DMD: variants seen among roughly 807,000 people sequenced by gnomAD.
DMD encodes the protein dystrophin, also known as mutant dystrophin.
A neutral mutation model predicts 330.1 loss-of-function variants in DMD; 63 were observed. The ratio of observed to expected loss-of-function variants is 0.19; its 90% confidence interval spans 0.16 to 0.24. The LOEUF is 0.24. Among genes scored for constraint, DMD ranks in the 10% least tolerant of loss-of-function variants. DMD has a pLI of 1.00. For synonymous variants in DMD, 1,223 were observed against 959.8 expected (o/e 1.27, Z -5.07); for missense variants, 3,344 against 2,684.1 (o/e 1.25, Z -5.43).
intron 16 of DMD, among the ~76,000 whole-genome samples, chrX:32,562,797 A>G (rs7056028): frequency 0.32 from 35,013 of 110,502 alleles, 4,843 homozygotes; most frequent in Non-Finnish European, 0.45. Flanking sequence ...GTCTCTGTTT[A>G]CCTCCTTTTA....
intron 43 of DMD, among the ~76,000 whole-genome samples, chrX:32,272,873 G>T (rs1390898411): frequency 8.9e-6 from 1 of 111,820 alleles, no homozygotes; most frequent in Admixed American, 9.5e-5. Context: ...TTAGGTCCTT[G>T]TTTTATAGTG....
chrX:32,490,819 G>A (rs1157968782), intron 20 of DMD, among the ~76,000 whole-genome samples: 1 of 111,726 alleles, frequency 9.0e-6, no homozygotes, highest in Admixed American at 9.5e-5. Flanking sequence ...TCAAATTATC[G>A]TAATTTGAGA....
At chrX:31,342,884 C>T (rs1424470588) in intron 61 of DMD, among the ~76,000 whole-genome samples, 2 of 112,038 alleles carry the variant, frequency 1.8e-5, no homozygotes, top group Admixed American at 1.9e-4. Context: ...TCAAGCCATT[C>T]TCCTGCCTCA....
intron 48 of DMD, among the ~76,000 whole-genome samples, chrX:31,874,064 G>A (rs1273249041): frequency 9.0e-6 from 1 of 111,505 alleles, no homozygotes; most frequent in African/African-American, 3.3e-5. Context: ...ATCAACATAT[G>A]AACAATGGGA....
chrX:33,289,989 T>C (rs1453716683), intron 1 of DMD, among the ~76,000 whole-genome samples: 1 of 111,515 alleles, frequency 9.0e-6, no homozygotes, highest in Non-Finnish European at 1.9e-5. Context: ...AAACATAACA[T>C]GACATGAATA....
intron 60 of DMD, among the ~76,000 whole-genome samples, chrX:31,433,294 A>G (rs1425383959): frequency 4.5e-5 from 5 of 111,121 alleles, no homozygotes; most frequent in Non-Finnish European, 9.4e-5. Flanking sequence ...TATCCAATCC[A>G]CCATTGATGG....
At chrX:31,483,451 C>T (rs1408673126) in intron 57 of DMD, among the ~76,000 whole-genome samples, 1 of 112,222 alleles carries the variant, frequency 8.9e-6, no homozygotes, top group Non-Finnish European at 1.9e-5. Context: ...TAAAACTGGA[C>T]AGTAAATAAT....
intron 29 of DMD, among the ~76,000 whole-genome samples, chrX:32,414,063 A>C (rs1483569218): frequency 9.0e-6 from 1 of 111,433 alleles, no homozygotes; most frequent in Non-Finnish European, 1.9e-5. Flanking sequence ...CCTTCATAAT[A>C]TAAGTCCTGC....
At chrX:31,939,518 G>A (rs1023371417) in intron 45 of DMD, among the ~76,000 whole-genome samples, 1 of 111,809 alleles carries the variant, frequency 8.9e-6, no homozygotes, top group African/African-American at 3.2e-5. Flanking sequence ...AGCTGAGTAC[G>A]TGAACACGGG....
chrX:31,293,530 T>C (rs1204359736), intron 62 of DMD, among the ~76,000 whole-genome samples: 2 of 111,353 alleles, frequency 1.8e-5, no homozygotes, highest in Non-Finnish European at 3.8e-5. Flanking sequence ...CCATATTTTC[T>C]GATCTATTTA....
intron 44 of DMD, among the ~76,000 whole-genome samples, chrX:32,104,577 A>G (rs1030463975): frequency 1.8e-5 from 2 of 111,936 alleles, no homozygotes; most frequent in African/African-American, 3.2e-5. Flanking sequence ...AATAGATCTC[A>G]TAAACTTGTC....
chrX:32,505,167 A>G (rs933940883), intron 18 of DMD, among the ~76,000 whole-genome samples: 1 of 111,666 alleles, frequency 9.0e-6, no homozygotes, highest in African/African-American at 3.3e-5. Flanking sequence ...AGAATTAATA[A>G]GTTGAATAGT....
intron 44 of DMD, among the ~76,000 whole-genome samples, chrX:32,055,286 G>A (rs1227735481): frequency 8.9e-6 from 1 of 111,948 alleles, no homozygotes; most frequent in Non-Finnish European, 1.9e-5. Context: ...ATTAAACAGA[G>A]TAATGTTTTA....
chrX:32,462,258 A>G (rs191761054), intron 25 of DMD, among the ~76,000 whole-genome samples: 1 of 111,434 alleles, frequency 9.0e-6, no homozygotes, highest in Non-Finnish European at 1.9e-5. Context: ...GCATAGTAAG[A>G]GATTAACAAC....
intron 2 of DMD, among the ~76,000 whole-genome samples, chrX:32,989,644 AT>A (rs1372919519): frequency 9.0e-6 from 1 of 111,642 alleles, no homozygotes; most frequent in Non-Finnish European, 1.9e-5. Flanking sequence ...AGAGCTCAAT[AT>A]TTTCAAATGA....
intron 7 of DMD, among the ~76,000 whole-genome samples, chrX:32,774,369 A>C (rs1046901160): frequency 3.6e-5 from 4 of 112,011 alleles, no homozygotes; most frequent in African/African-American, 1.3e-4. Flanking sequence ...AGAGCATCTT[A>C]AGTTAATCTG....
In DMD at chrX:32,548,685, A is replaced by G. The variant is rs768965327; in HGVS notation, c.1993-3351T>C. Among the ~76,000 whole-genome samples, 4 of 112,011 alleles carry G rather than the reference A, an allele frequency of 3.6e-5. No individual in the cohort carries two copies. In the South Asian group the frequency reaches 1.1e-3, roughly 31 times the overall value. On this transcript the variant is annotated intron_variant, in intron 16 of 78. Transcript: ENST00000357033. The stretch of plus-strand genomic sequence containing the variant: ...ATATTTCTGTATTCCTTTAGTTTCC[A>G]AAGTTCTTCTATAAGATATTATCTG...
intron 1 of DMD, among the ~76,000 whole-genome samples, chrX:33,131,837 C>T (rs748151971): frequency 8.9e-6 from 1 of 111,900 alleles, no homozygotes; most frequent in Non-Finnish European, 1.9e-5. Context: ...CCTGTGGTTG[C>T]GCATTAAATC....
chrX:31,867,192 G>A (rs2093814413), intron 48 of DMD, among the ~76,000 whole-genome samples: 1 of 100,810 alleles, frequency 9.9e-6, no homozygotes. Flanking sequence ...CTCTTAATAA[G>A]AGATTGCAAA....
Sources: allele counts gnomAD v4.1 joint callset (sites outside exome capture counted in the v4.1 genomes callset), GRCh38; gene constraint gnomAD v4.1.1; transcripts MANE v1.5; gene names NCBI Gene and HGNC (gene_info 2026-07-23, HGNC 2026-07-21).